THADA: variants seen among roughly 807,000 people sequenced by gnomAD.
THADA encodes tRNA (32-2'-O)-methyltransferase regulator THADA.
In THADA, 213 loss-of-function variants were observed where a neutral mutation model predicts 219.8. That is an observed-to-expected ratio of 0.97 (90% CI 0.87 to 1.09). The LOEUF (loss-of-function observed/expected upper bound fraction) is 1.09, where lower values mean the gene tolerates loss of function less well. Ranked by LOEUF, THADA falls within the 50% of genes least tolerant of loss-of-function variation. The pLI is 0.00. For missense variants in THADA, 2,956 were observed against 2,311.3 expected (o/e 1.28, Z -5.72); for synonymous variants, 1,018 against 828.9 (o/e 1.23, Z -3.92).
At position 43,415,742 on chromosome 2, in the gene THADA, C is replaced by T. The variant is rs889909062; in HGVS notation, c.4058+12358G>A. ...AGGTTCATATCTAGGGCCCTCGTGA[C>T]GCTTCACGGTGGGTCAGGCAAGGAG... On this transcript the variant is annotated intron_variant, in intron 28 of 37. Transcript: ENST00000405975. Among the ~76,000 whole-genome samples the T allele has an allele frequency of 1.1e-4, 17 of 152,026 alleles. 1 individual carries two copies. Among genetic ancestry groups the T allele is most frequent in the Middle Eastern group, 3.2e-3 (1 of 316 alleles).
At chr2:43,288,236 T>C (rs1318585272) in intron 34 of THADA, among the ~76,000 whole-genome samples, 3 of 152,194 alleles carry the variant, frequency 2.0e-5, no homozygotes, top group African/African-American at 4.8e-5. Flanking sequence ...CAGGCCAACA[T>C]GGTGAAACCC....
At chr2:43,447,440 C>A (rs1426772778) in intron 26 of THADA, among the ~76,000 whole-genome samples, 1 of 152,184 alleles carries the variant, frequency 6.6e-6, no homozygotes, top group Non-Finnish European at 1.5e-5. Flanking sequence ...AATCATCACC[C>A]CAACTCAAGA....
intron 16 of THADA, among the ~76,000 whole-genome samples, chr2:43,558,080 T>C (rs1052241565): frequency 6.6e-6 from 1 of 152,222 alleles, no homozygotes; most frequent in African/African-American, 2.4e-5. Context: ...GTAAGAAAGA[T>C]AATAAATAGC....
chr2:43,495,493 A>T (rs1196586965), intron 25 of THADA, among the ~76,000 whole-genome samples: 1 of 152,188 alleles, frequency 6.6e-6, no homozygotes, highest in African/African-American at 2.4e-5. Flanking sequence ...AAAGAAAATG[A>T]ATCAGAATGC....
At chr2:43,256,339 G>C (rs1670307430) in intron 36 of THADA, among the ~76,000 whole-genome samples, 1 of 151,872 alleles carries the variant, frequency 6.6e-6, no homozygotes, top group Non-Finnish European at 1.5e-5. Context: ...GCGAGACCTT[G>C]TCTCTCTTCT....
intron 26 of THADA, among the ~76,000 whole-genome samples, chr2:43,462,744 C>T (rs571978550): frequency 1.3e-5 from 2 of 152,172 alleles, no homozygotes; most frequent in South Asian, 2.1e-4. Flanking sequence ...TTTGGCTTTC[C>T]GTTCTCCCTC....
At chr2:43,506,309 C>G (rs931823632) in intron 23 of THADA, among the ~76,000 whole-genome samples, 1 of 152,164 alleles carries the variant, frequency 6.6e-6, no homozygotes, top group African/African-American at 2.4e-5. Flanking sequence ...TTGAAATTTT[C>G]AGTAGCTTCT....
chr2:43,514,756 TATA>T (rs567554908), intron 22 of THADA, among the ~76,000 whole-genome samples: 14 of 71,394 alleles, frequency 2.0e-4, no homozygotes, highest in Non-Finnish European at 2.3e-4. Context: ...ATATTTTATA[TATA>T]ATATGTATAA....
intron 30 of THADA, among the ~76,000 whole-genome samples, chr2:43,333,854 G>A (rs1408346032): frequency 6.6e-6 from 1 of 152,222 alleles, no homozygotes; most frequent in Non-Finnish European, 1.5e-5. Context: ...TTCAGGAGGG[G>A]ACCAGCCCAT....
intron 25 of THADA, among the ~76,000 whole-genome samples, chr2:43,489,382 T>G (rs1459135094): frequency 5.3e-5 from 8 of 152,108 alleles, no homozygotes; most frequent in Non-Finnish European, 1.2e-4. Context: ...AATTTATCAG[T>G]TTTTTTCATT....
intron 26 of THADA, among the ~76,000 whole-genome samples, chr2:43,445,838 T>C (rs1239502016): frequency 6.6e-6 from 1 of 152,222 alleles, no homozygotes; most frequent in African/African-American, 2.4e-5. Context: ...CATGCCTGTC[T>C]AATGACGTGT....
At chr2:43,471,345 G>A (rs1684879406) in intron 26 of THADA, among the ~76,000 whole-genome samples, 1 of 152,084 alleles carries the variant, frequency 6.6e-6, no homozygotes, top group South Asian at 2.1e-4. Flanking sequence ...GGGCAATGTA[G>A]TGAGACTCTC....
intron 25 of THADA, among the ~76,000 whole-genome samples, chr2:43,486,876 A>G (rs1686981865): frequency 6.6e-6 from 1 of 152,172 alleles, no homozygotes; most frequent in South Asian, 2.1e-4. Context: ...AAGCCAAATA[A>G]AACAGTGGTA....
rs1344169268 is a variant in THADA at position 43,505,508 on chromosome 2, C to A, written c.3621+114G>T. On this transcript the variant is annotated intron_variant, in intron 24 of 37. Transcript: ENST00000405975. ...GGCGAAGGTTGCAGTGAGCTGAGAT[C>A]GCGCCACTGTACTCCAGCCTGGGTA... is the stretch of plus-strand genomic sequence containing the variant. 1.8e-5 allele frequency: 12 copies of A among 663,352 alleles called. No homozygotes were observed. The Admixed American group carries it at 3.8e-4, about 21-fold the overall frequency. The allele number at this position is 663,352 out of a possible 1,614,324, so 41.1% of individuals were successfully genotyped here. A position where few individuals can be genotyped will look rare whatever the true frequency, so the allele number is the denominator to read the frequency against.
chr2:43,515,193 TATATATAATATATAATATATA>T (rs1558891842), intron 22 of THADA, among the ~76,000 whole-genome samples: 1 of 11,782 alleles, frequency 8.5e-5, no homozygotes, highest in South Asian at 2.0e-3. Flanking sequence ...TATAATATAT[TATATATAATATATAATATATA>T]ATATATTATA....
At position 43,541,198 on chromosome 2, in the gene THADA, A is replaced by G. The variant is rs1695253273; in HGVS notation, c.3225T>C (p.Pro1075=). ...GMLCQLLPMQ[P]VPESSDGLLT... ...ATAATCCATCAGAAGATTCTGGCAC[A>G]GGCTGCATGGGCAGAAGCTGGCACA... Residue 1075 remains proline, a synonymous_variant, in exon 21 of 38, where the codon CCT becomes CCC. Coordinates refer to ENST00000405975, the MANE Select transcript of THADA (RefSeq NM_022065.5). 1.2e-6 allele frequency: 2 copies of G among 1,604,010 alleles called. No homozygotes were observed. Among genetic ancestry groups the G allele is most frequent in the East Asian group, 4.5e-5 (2 of 44,416 alleles).
At chr2:43,552,067 G>GT (rs142593751) in intron 18 of THADA, 137 bp downstream of exon 18, 143,903 of 1,524,132 alleles carry the variant, frequency 0.094, 7,395 homozygotes, top group Non-Finnish European at 0.1. Context: ...ACACAGATAC[G>GT]TATGTTTTTA....
chr2:43,447,303 T>C (rs1401549280), intron 26 of THADA, among the ~76,000 whole-genome samples: 1 of 152,008 alleles, frequency 6.6e-6, no homozygotes, highest in African/African-American at 2.4e-5. Context: ...CCAAACCATA[T>C]CAAACCATAT....
intron 35 of THADA, among the ~76,000 whole-genome samples, chr2:43,285,982 T>C (rs1673955549): frequency 6.6e-6 from 1 of 152,222 alleles, no homozygotes; most frequent in African/African-American, 2.4e-5. Context: ...AATTTTCCTC[T>C]ATATCAACCT....
Sources: allele counts gnomAD v4.1 joint callset (sites outside exome capture counted in the v4.1 genomes callset), GRCh38; gene constraint gnomAD v4.1.1; transcripts MANE v1.5; gene names NCBI Gene and HGNC (gene_info 2026-07-23, HGNC 2026-07-21).